Variants in EPS15 observed in about 807,000 individuals in gnomAD.
EPS15 encodes epidermal growth factor receptor substrate 15.
A neutral mutation model predicts 113.8 loss-of-function variants in EPS15; 72 were observed. That is an observed-to-expected ratio of 0.63 (90% CI 0.52 to 0.77). The LOEUF (loss-of-function observed/expected upper bound fraction) is 0.77. Among genes scored for constraint, EPS15 ranks in the 30% least tolerant of loss-of-function variants. The pLI is 0.00. For missense variants in EPS15, 1,048 were observed against 1,045.8 expected, an observed-to-expected ratio of 1.00 and a Z score of -0.03; for synonymous variants, 344 against 363.4, an observed-to-expected ratio of 0.95 and a Z score of 0.61.
Position 51,502,085 on chromosome 1 carries a change from T to A in EPS15, c.33+17114A>T, listed in dbSNP as rs777992002. On this transcript the variant is annotated intron_variant, in intron 1 of 24. Transcript: ENST00000371733. ...GAGTTTGAGACCACCCTGGGCAACA[T>A]AGTGAGACTCCATCTTTACAAAAAG... Among the ~76,000 whole-genome samples, 202 of 142,844 alleles carry A rather than the reference T, an allele frequency of 1.4e-3. 1 individual carries two copies. The highest frequency in any genetic ancestry group is 5.8e-3 in the Admixed American group (84 of 14,440). 93.7% of individuals were successfully genotyped at this position (142,844 alleles called of 152,430 possible). A position where few individuals can be genotyped will look rare whatever the true frequency, so the allele number is the denominator to read the frequency against.
chr1:51,509,786 G>A (rs2148563865), intron 1 of EPS15, among the ~76,000 whole-genome samples: 1 of 152,346 alleles, frequency 6.6e-6, no homozygotes, highest in East Asian at 1.9e-4. Flanking sequence ...TTCTAGAGAT[G>A]TGGTGTATGC....
intron 8 of EPS15, among the ~76,000 whole-genome samples, chr1:51,452,247 CT>C (rs1262029534): frequency 1.3e-5 from 2 of 151,448 alleles, no homozygotes; most frequent in African/African-American, 2.4e-5. Flanking sequence ...TTTTGTGGGG[CT>C]TTCACATATA....
At chr1:51,446,797 G>C (rs558127173) in intron 10 of EPS15, among the ~76,000 whole-genome samples, 163 bp downstream of exon 10, 4 of 152,144 alleles carry the variant, frequency 2.6e-5, no homozygotes, top group African/African-American at 9.6e-5. Flanking sequence ...CCATTCTCAA[G>C]CTTTTGTCCA....
intron 4 of EPS15, among the ~76,000 whole-genome samples, chr1:51,470,262 C>T (rs923746096): frequency 6.6e-6 from 1 of 152,140 alleles, no homozygotes; most frequent in Non-Finnish European, 1.5e-5. Flanking sequence ...AAAATAAAAA[C>T]CATGCTGCAG....
intron 21 of EPS15, among the ~76,000 whole-genome samples, chr1:51,387,582 G>A (rs1190806317): frequency 6.6e-6 from 1 of 152,066 alleles, no homozygotes; most frequent in Non-Finnish European, 1.5e-5. Flanking sequence ...CCCATCTCAC[G>A]TGCAGAGACA....
At chr1:51,490,586 C>T (rs1320739814) in intron 1 of EPS15, among the ~76,000 whole-genome samples, 1 of 119,984 alleles carries the variant, frequency 8.3e-6, no homozygotes, top group Non-Finnish European at 1.8e-5. Flanking sequence ...AAAAAAAAAA[C>T]AGAAGTGAAA....
chr1:51,444,839 A>T (rs1652875209), intron 11 of EPS15, 50 bp downstream of exon 11: 1 of 1,524,900 alleles, frequency 6.6e-7, no homozygotes, highest in Admixed American at 1.7e-5. Flanking sequence ...TCGACATAGT[A>T]TTGTTCCTTT....
chr1:51,383,721 T>A (rs937546976), intron 21 of EPS15, among the ~76,000 whole-genome samples: 13 of 152,110 alleles, frequency 8.5e-5, no homozygotes, highest in Non-Finnish European at 1.8e-4. Flanking sequence ...ATCCCTGCAA[T>A]ATAGTAGTGG....
chr1:51,492,550 C>T (rs962068981), intron 1 of EPS15, among the ~76,000 whole-genome samples: 3 of 152,150 alleles, frequency 2.0e-5, no homozygotes, highest in Non-Finnish European at 4.4e-5. Flanking sequence ...ATATCACCAA[C>T]TCAAACCAGT....
At chr1:51,384,355 C>T (rs1195247788) in intron 21 of EPS15, among the ~76,000 whole-genome samples, 1 of 134,558 alleles carries the variant, frequency 7.4e-6, no homozygotes, top group African/African-American at 2.8e-5. Context: ...GGCTACAGTG[C>T]AGTGGCATGA....
intron 12 of EPS15, among the ~76,000 whole-genome samples, chr1:51,438,786 T>C (rs1280098408): frequency 6.6e-6 from 1 of 152,126 alleles, no homozygotes; most frequent in East Asian, 1.9e-4. Flanking sequence ...GGCAGAATTG[T>C]ATAACAGAAA....
At chr1:51,446,195 AT>A (rs1250530268) in intron 10 of EPS15, among the ~76,000 whole-genome samples, 18 of 152,222 alleles carry the variant, frequency 1.2e-4, no homozygotes, top group African/African-American at 3.4e-4. Flanking sequence ...GCATTTTCAT[AT>A]ACATTATCTC....
rs1646209523 is a variant in EPS15 at position 51,355,968 on chromosome 1, G to T, written c.*732C>A. 5.2e-6 allele frequency: 1 copy of T among 191,082 alleles called. No homozygotes were observed. The highest frequency in any genetic ancestry group is 1.8e-3 in the Middle Eastern group (1 of 562). 11.8% of individuals were successfully genotyped at this position (191,082 alleles called of 1,614,324 possible). On this transcript the variant is annotated 3_prime_UTR_variant, in exon 25 of 25. Coordinates refer to ENST00000371733, the MANE Select transcript of EPS15 (RefSeq NM_001981.3). Reference sequence around the variant, plus strand: ...TTACAAACTTTATTTGTAAGAAACTGATTTTTATTAATTAGCAAACACACT... The same window carrying T: ...TTACAAACTTTATTTGTAAGAAACTTATTTTTATTAATTAGCAAACACACT...
rs1646379641 is a variant in EPS15, at chr1:51,361,276, AT to A, written c.2438del (p.Asp813ValfsTer43). Reference protein sequence around the residue: ...NDPFQPFPGNDSPKEKDPEIF... With the variant: ...NDPFQPFPGNXSPKEKDPEIF... The stretch of plus-strand genomic sequence containing the variant: ...TTTCAGGATCTTTTTCTTTGGGGCT[AT>A]CGTTGCCTGGGAAAGGCTGAAATGG... On this transcript the variant is annotated frameshift_variant, in exon 24 of 25. Transcript: ENST00000371733. LOFTEE classifies it high-confidence loss of function. 6.2e-7 allele frequency: 1 copy of A among 1,613,728 alleles called. No homozygotes were observed. The highest frequency in any genetic ancestry group is 1.3e-5 in the African/African-American group (1 of 74,916).
intron 15 of EPS15, among the ~76,000 whole-genome samples, chr1:51,407,719 T>A (rs1649265356): frequency 6.6e-6 from 1 of 152,232 alleles, no homozygotes; most frequent in African/African-American, 2.4e-5. Context: ...CAGGCAACAC[T>A]TATGGAGCAT....
chr1:51,359,375 T>G (rs1438459297), intron 24 of EPS15, among the ~76,000 whole-genome samples: 1 of 131,266 alleles, frequency 7.6e-6, no homozygotes, highest in African/African-American at 3.0e-5. Context: ...ACCTGGGAGG[T>G]GGAGGTTGCA....
chr1:51,500,291 C>A (rs1644390217), intron 1 of EPS15, among the ~76,000 whole-genome samples: 1 of 152,132 alleles, frequency 6.6e-6, no homozygotes, highest in Non-Finnish European at 1.5e-5. Flanking sequence ...GCTTTCAATT[C>A]TTTTGGATAT....
intron 1 of EPS15, among the ~76,000 whole-genome samples, chr1:51,493,566 AAATAAATAAAT>A: frequency 6.9e-6 from 1 of 145,798 alleles, no homozygotes; most frequent in African/African-American, 2.6e-5. Flanking sequence ...ATAAATAAAT[AAATAAATAAAT>A]AAAAATAAAG....
At chr1:51,404,504 T>C (rs1260648793) in intron 16 of EPS15, among the ~76,000 whole-genome samples, 1 of 152,264 alleles carries the variant, frequency 6.6e-6, no homozygotes, top group Non-Finnish European at 1.5e-5. Flanking sequence ...GACTGCACTG[T>C]GTAAATAAAA....
Sources: allele counts gnomAD v4.1 joint callset (sites outside exome capture counted in the v4.1 genomes callset), GRCh38; gene constraint gnomAD v4.1.1; transcripts MANE v1.5; gene names NCBI Gene and HGNC (gene_info 2026-07-23, HGNC 2026-07-21).